Variants in EML1 observed in about 807,000 individuals in gnomAD.
The protein encoded by EML1 is echinoderm microtubule-associated protein-like 1.
Under a neutral mutation model 110.4 loss-of-function variants are expected in EML1, and 27 were observed. The observed-to-expected ratio is 0.24, with a 90% CI of 0.18 to 0.34. The LOEUF is 0.34. EML1 is among the 10% of genes least tolerant of loss of function. The probability of loss-of-function intolerance (pLI) is 1.00; values close to 1 mark genes in which losing one functional copy is unlikely to be tolerated. For missense variants in EML1, 741 were observed against 1,030.9 expected (o/e 0.72, Z 3.85); for synonymous variants, 344 against 385.8 (o/e 0.89, Z 1.27).
chr14:99,911,236 G>T (rs571039669), intron 12 of EML1, among the ~76,000 whole-genome samples, 186 bp from the exon 13 acceptor site: 1 of 152,270 alleles, frequency 6.6e-6, no homozygotes, highest in African/African-American at 2.4e-5. Flanking sequence ...TCATTCTAAG[G>T]TAACCCATTT....
intron 1 of EML1, chr14:99,809,585 A>G (rs1418207519): frequency 8.8e-6 from 4 of 455,542 alleles, no homozygotes; most frequent in African/African-American, 8.0e-5. Context: ...CCCTGGGTGT[A>G]TGGCAGATGC....
In EML1 at chr14:99,936,049, G is replaced by A; in HGVS notation, c.1930G>A (p.Gly644Ser). 2 of 1,614,068 alleles carry A rather than the reference G, an allele frequency of 1.2e-6. No individual in the cohort carries two copies. The highest frequency in any genetic ancestry group is 1.7e-6 in the Non-Finnish European group (2 of 1,180,018). The change falls in exon 18 of 22, where the codon GGC becomes AGC. Residue 644 changes from glycine to serine, a missense_variant. This residue lies in a region of EML1 where 388 missense variants were observed against 605.6 expected (regional missense o/e 0.64). Transcript: ENST00000262233. The surrounding 1 kb of genome is among the most constrained non-coding windows in gnomAD (Gnocchi z 5.5). The part of the protein sequence containing the change: ...YSPDGNFLAI[G>S]SHDNCIYIYG... The stretch of plus-strand genomic sequence containing the variant: ...TATAGATGGGAATTTCTTAGCCATA[G>A]GCTCACATGACAACTGCATCTATAT...
upstream of EML1, among the ~76,000 whole-genome samples, chr14:99,791,730 CCAGCTCCCTAACA>C (rs1172989892): frequency 1.3e-5 from 2 of 152,158 alleles, no homozygotes; most frequent in African/African-American, 4.8e-5. Context: ...GCAGGCAGAC[CCAGCTCCCTAACA>C]CAGCTCTCAA....
chr14:99,893,932 T>C (rs1378876301), intron 5 of EML1, among the ~76,000 whole-genome samples: 3 of 152,234 alleles, frequency 2.0e-5, no homozygotes, highest in African/African-American at 7.2e-5. Flanking sequence ...GTTGTTGATA[T>C]TTACTTTTGT....
At chr14:99,844,896 G>A (rs1370196430) in intron 1 of EML1, among the ~76,000 whole-genome samples, 2 of 152,184 alleles carry the variant, frequency 1.3e-5, no homozygotes, top group African/African-American at 4.8e-5. Context: ...CATTGTATGA[G>A]TGCACCACAG....
At chr14:99,802,341 A>G (rs1374561167) in intron 1 of EML1, among the ~76,000 whole-genome samples, 1 of 152,012 alleles carries the variant, frequency 6.6e-6, no homozygotes, top group Non-Finnish European at 1.5e-5. Context: ...TTTTGAGGCA[A>G]GGGAGCGACT....
rs570197813 is a variant in EML1 at position 99,781,465 on chromosome 14, G to A, written c.-27+7452G>A. ...TCCTCTCTTGGCTTCTTCTGCATCC[G>A]CAGTGTGGTCTGGCGGGCCAGTTCC... On this transcript the variant is annotated intron_variant, in intron 1 of 22. Coordinates refer to the EML1 transcript ENST00000327921. The surrounding 1 kb of genome is among the most constrained non-coding windows in gnomAD (Gnocchi z 4.2). Among the ~76,000 whole-genome samples the A allele has an allele frequency of 6.6e-5, 10 of 152,170 alleles. No homozygotes were observed. The highest frequency in any genetic ancestry group is 2.0e-4 in the Admixed American group (3 of 15,284).
At chr14:99,908,107 T>C (rs1332232463) in intron 10 of EML1, among the ~76,000 whole-genome samples, 1 of 152,218 alleles carries the variant, frequency 6.6e-6, no homozygotes, top group Admixed American at 6.5e-5. Flanking sequence ...GAGGTGGGCT[T>C]GCTGCCTGAG....
At chr14:99,807,723 G>A (rs879594327) in intron 1 of EML1, among the ~76,000 whole-genome samples, 8 of 152,214 alleles carry the variant, frequency 5.3e-5, no homozygotes, top group Admixed American at 3.9e-4. Context: ...AGCCCACGCA[G>A]GGGAGAGAGG....
At chr14:99,845,755 A>T (rs1174801779) in intron 1 of EML1, among the ~76,000 whole-genome samples, 2 of 152,226 alleles carry the variant, frequency 1.3e-5, no homozygotes, top group African/African-American at 4.8e-5. Flanking sequence ...TTACTTAGAA[A>T]ATTGACAGAG....
At chr14:99,884,412 G>A (rs1291342509) in intron 4 of EML1, among the ~76,000 whole-genome samples, 2 of 152,212 alleles carry the variant, frequency 1.3e-5, no homozygotes, top group African/African-American at 4.8e-5. Flanking sequence ...ACAGAACGTA[G>A]TCCAAGGCAT....
intron 1 of EML1, among the ~76,000 whole-genome samples, chr14:99,802,341 A>T (rs1374561167): frequency 1.3e-5 from 2 of 152,012 alleles, no homozygotes; most frequent in East Asian, 1.9e-4. Context: ...TTTTGAGGCA[A>T]GGGAGCGACT....
In EML1 at chr14:99,887,453, C is replaced by G. The variant is rs547462888; in HGVS notation, c.519-3746C>G. Among the ~76,000 whole-genome samples, 5 of 152,226 alleles carry G rather than the reference C, an allele frequency of 3.3e-5. No individual in the cohort carries two copies. The South Asian group carries it at 1.0e-3, about 32-fold the overall frequency. On this transcript the variant is annotated intron_variant, in intron 4 of 21. Transcript: ENST00000262233. ...CAGGTGCAGGACATCTTGATTGACT[C>G]CACACTGGGCAAGGGATGAATGGAG...
At chr14:99,887,825 G>A (rs1374181354) in intron 4 of EML1, among the ~76,000 whole-genome samples, 1 of 152,206 alleles carries the variant, frequency 6.6e-6, no homozygotes, top group African/African-American at 2.4e-5. Flanking sequence ...AGAGGCCACG[G>A]TGGCTTCAAT....
Position 99,939,141 on chromosome 14 carries a change from A to C in EML1, c.2192-56A>C, listed in dbSNP as rs1279368142. 6.2e-7 allele frequency: 1 copy of C among 1,601,864 alleles called. No individual in the cohort carries two copies. The highest frequency in any genetic ancestry group is 8.5e-7 in the Non-Finnish European group (1 of 1,173,820). ...CCGTTCAGTGGGCGCTTCCTGCGCCATGTGGCCCTGTGGCCCCTGGTGTTT... is the reference window on the plus strand; with the variant it reads ...CCGTTCAGTGGGCGCTTCCTGCGCCCTGTGGCCCTGTGGCCCCTGGTGTTT... On this transcript the variant is annotated intron_variant, in intron 20 of 21. Transcript: ENST00000262233. This position sits in a 1 kb window ranked among gnomAD's most constrained non-coding sequence, Gnocchi z 4.2.
At chr14:99,824,814 C>G (rs1056854311) in intron 1 of EML1, among the ~76,000 whole-genome samples, 16 of 152,092 alleles carry the variant, frequency 1.1e-4, no homozygotes, top group African/African-American at 3.6e-4. Flanking sequence ...TCTATTATTC[C>G]ACTGTGTGTC....
chr14:99,767,728 G>GC (rs199727197), intron 1 of EML1, among the ~76,000 whole-genome samples: 7,209 of 152,026 alleles, frequency 0.047, 195 homozygotes, highest in Middle Eastern at 0.058. Flanking sequence ...CCAAATACAA[G>GC]CCCCCCCTTA....
intron 1 of EML1, among the ~76,000 whole-genome samples, chr14:99,837,839 C>T (rs1292380625): frequency 1.3e-5 from 2 of 152,008 alleles, no homozygotes; most frequent in African/African-American, 4.8e-5. Flanking sequence ...TTACTCTGTC[C>T]CCCAGGCTGG....
intron 1 of EML1, among the ~76,000 whole-genome samples, chr14:99,798,392 CTT>C (rs374969316): frequency 9.2e-5 from 12 of 130,988 alleles, no homozygotes; most frequent in African/African-American, 1.4e-4. Flanking sequence ...AAAGTCTATA[CTT>C]TTTTTTTTTT....
Sources: allele counts gnomAD v4.1 joint callset (sites outside exome capture counted in the v4.1 genomes callset), GRCh38; gene constraint gnomAD v4.1.1; regional missense constraint gnomAD v4.1.1; non-coding constraint Gnocchi (gnomAD v3.1); transcripts MANE v1.5; gene names NCBI Gene and HGNC (gene_info 2026-07-23, HGNC 2026-07-21).